Variants in MDN1 observed in about 807,000 individuals in gnomAD.
MDN1 encodes midasin AAA ATPase 1.
Under a neutral mutation model 669.2 loss-of-function variants are expected in MDN1, and 266 were observed. That is an observed-to-expected ratio of 0.40 (90% CI 0.36 to 0.44). The LOEUF (loss-of-function observed/expected upper bound fraction) is 0.44. Among genes scored for constraint, MDN1 ranks in the 20% least tolerant of loss-of-function variants. The pLI is 1.00. For synonymous variants in MDN1, 2,385 were observed against 2,457.1 expected, an observed-to-expected ratio of 0.97 and a Z score of 0.87; for missense variants, 5,940 against 6,754.0, an observed-to-expected ratio of 0.88 and a Z score of 4.22.
intron 32 of MDN1, 66 bp downstream of exon 32, chr6:89,740,168 T>C: frequency 1.3e-6 from 2 of 1,549,206 alleles, no homozygotes; most frequent in South Asian, 2.3e-5. Flanking sequence ...TTACATACTA[T>C]ATTTACGAGT....
rs765243302 is a variant in MDN1, at chr6:89,761,743, G to C, written c.2362C>G (p.Leu788Val). 1.0e-5 allele frequency: 16 copies of C among 1,599,982 alleles called. No homozygotes were observed. In the East Asian group the frequency reaches 3.4e-4, roughly 34 times the overall value. The change falls in exon 17 of 102, where the codon CTC becomes GTC. Residue 788 changes from leucine to valine, a missense_variant. Coordinates refer to ENST00000369393, the MANE Select transcript of MDN1 (RefSeq NM_014611.3). Reference sequence around the variant, plus strand: ...AATGCTTCCCATTTCTCTTTTATGAGTAACCCTAAAAAAGAAAGACAAGAA... The same window carrying C: ...AATGCTTCCCATTTCTCTTTTATGACTAACCCTAAAAAAGAAAGACAAGAA... ...KDGKDSETGL[L>V]IKEKWEAFGL...
intron 15 of MDN1, among the ~76,000 whole-genome samples, chr6:89,767,543 AG>A (rs756445480): frequency 3.5e-4 from 53 of 152,232 alleles, no homozygotes; most frequent in South Asian, 6.2e-4. Flanking sequence ...GGATCACCTG[AG>A]GTCAGGAGTT....
intron 13 of MDN1, among the ~76,000 whole-genome samples, chr6:89,773,495 G>A (rs189911624): frequency 7.3e-4 from 105 of 144,792 alleles, no homozygotes; most frequent in Middle Eastern, 3.7e-3. Flanking sequence ...AGCTGAGATC[G>A]CACCACTGCA....
chr6:89,790,310 G>C lies in MDN1; in HGVS notation c.947C>G (p.Ala316Gly), dbSNP rs1315389982. The change falls in exon 6 of 102, where the codon GCT becomes GGT. Residue 316 changes from alanine to glycine, a missense_variant. Ala to Gly is a moderately conservative substitution (Grantham distance 60). This residue lies in a region of MDN1 where 1,203 missense variants were observed against 1,268.9 expected (regional missense o/e 0.95). Coordinates refer to ENST00000369393, the MANE Select transcript of MDN1 (RefSeq NM_014611.3). ...ESVCKSLQTL[A>G]MAVASQNAVL... ...AGCATTCTGAGAAGCAACCGCCATA[G>C]CCAGGGTCTGAAGACTTTTGCAGAC... 1.9e-6 allele frequency: 3 copies of C among 1,614,122 alleles called. No homozygotes were observed. Among genetic ancestry groups the C allele is most frequent in the Non-Finnish European group, 2.5e-6 (3 of 1,180,024 alleles).
At chr6:89,790,024 A>G (rs1310146988) in intron 6 of MDN1, 113 bp from the exon 7 acceptor site, 6 of 1,573,192 alleles carry the variant, frequency 3.8e-6, no homozygotes, top group Non-Finnish European at 5.2e-6. Flanking sequence ...TAGGCACTTG[A>G]GGTTTACATA....
Position 89,656,704 on chromosome 6 carries a change from G to C in MDN1, c.15281C>G (p.Thr5094Arg). Residue 5094 changes from threonine to arginine, a missense_variant, in exon 91 of 102, where the codon ACA becomes AGA. Physicochemically the swap from Thr to Arg is moderately conservative, Grantham distance 71 (BLOSUM62 -1). Coordinates refer to ENST00000369393, the MANE Select transcript of MDN1 (RefSeq NM_014611.3). Reference sequence around the variant, plus strand: ...TAGCTGAGGAGTGATAGAAACCTGTGTGTTTTTCCTGGTGTGCTTCTGGGA... The same window carrying C: ...TAGCTGAGGAGTGATAGAAACCTGTCTGTTTTTCCTGGTGTGCTTCTGGGA... ...LASQKHTRKN[T>R]QSFKRKPGQA... The C allele has an allele frequency of 4.4e-6, 7 of 1,606,250 alleles. No homozygotes were observed. The highest frequency in any genetic ancestry group is 6.0e-6 in the Non-Finnish European group (7 of 1,175,912).
chr6:89,717,824 A>G (rs1814502837), intron 43 of MDN1, among the ~76,000 whole-genome samples: 1 of 152,210 alleles, frequency 6.6e-6, no homozygotes, highest in Non-Finnish European at 1.5e-5. Flanking sequence ...AGGCTTTGGA[A>G]ATAAAGAATG....
chr6:89,753,612 A>G lies in MDN1; in HGVS notation c.2975T>C (p.Leu992Ser). 1.2e-6 allele frequency: 2 copies of G among 1,612,072 alleles called. No homozygotes were observed. The highest frequency in any genetic ancestry group is 1.7e-6 in the Non-Finnish European group (2 of 1,178,104). The change falls in exon 22 of 102, where the codon TTG becomes TCG. Residue 992 changes from leucine to serine, a missense_variant. By Grantham distance (145) the Leu-to-Ser change is moderately radical. Transcript: ENST00000369393. ...IQRSLYEGFC[L>S]GFLTQLDRAS... is the part of the protein sequence containing the mutation. ...CCTGTCAAGCTGTGTTAAGAAACCCAAACAAAAACCCTAGAAAGAAAAGAC... is the reference window on the plus strand; with the variant it reads ...CCTGTCAAGCTGTGTTAAGAAACCCGAACAAAAACCCTAGAAAGAAAAGAC...
rs1818433298 is a variant in MDN1, at chr6:89,777,852, C to T, written c.1726-1157G>A. Among the ~76,000 whole-genome samples, 4 of 152,036 alleles carry T rather than the reference C, an allele frequency of 2.6e-5. 1 individual carries two copies. The highest frequency in any genetic ancestry group is 1.3e-4 in the Admixed American group (2 of 15,256). ...TCAGCAGGCACCCATTCCCTAGTAC[C>T]CTGCCCACCAAATTATCCATAAAAA... On this transcript the variant is annotated intron_variant, in intron 11 of 101. Coordinates refer to ENST00000369393, the MANE Select transcript of MDN1 (RefSeq NM_014611.3).
At chr6:89,802,995 G>A (rs1050712641) in intron 2 of MDN1, among the ~76,000 whole-genome samples, 4 of 152,106 alleles carry the variant, frequency 2.6e-5, no homozygotes, top group Admixed American at 1.3e-4. Flanking sequence ...CATTAGAGGT[G>A]GATGCTGTAA....
chr6:89,653,305 C>T (rs1380686825), intron 93 of MDN1, 150 bp from the exon 94 acceptor site: 3 of 758,130 alleles, frequency 4.0e-6, no homozygotes, highest in Non-Finnish European at 6.2e-6. Flanking sequence ...GAGGTTCTTT[C>T]TCTCTGAGAC....
chr6:89,757,711 C>A (rs1044995722), intron 19 of MDN1, among the ~76,000 whole-genome samples: 12 of 152,074 alleles, frequency 7.9e-5, no homozygotes, highest in Non-Finnish European at 1.6e-4. Context: ...AGTGAGAGAC[C>A]AGCCTAGGCA....
intron 82 of MDN1, 142 bp downstream of exon 82, chr6:89,672,058 A>G: frequency 1.3e-6 from 1 of 793,460 alleles, no homozygotes; most frequent in South Asian, 2.6e-5. Flanking sequence ...CTTTGCACGT[A>G]TAAATAAAGA....
chr6:89,782,585 A>T (rs1818733015), intron 9 of MDN1, among the ~76,000 whole-genome samples: 1 of 148,036 alleles, frequency 6.8e-6, no homozygotes, highest in Non-Finnish European at 1.5e-5. Flanking sequence ...TGGGTGACAG[A>T]GTAAGACCTT....
rs1814015690 is a variant in MDN1, at chr6:89,712,575, C to T, written c.7430G>A (p.Arg2477Lys). The part of the protein sequence containing the change: ...RMSMKTSSWT[R>K]SQPFTLQDLE... ...GACACAAGCTGAAGGCTCCACTGACCTTGTCCAGCTGCTGGTTTTCATGCT... is the reference window on the plus strand; with the variant it reads ...GACACAAGCTGAAGGCTCCACTGACTTTGTCCAGCTGCTGGTTTTCATGCT... The change falls in exon 48 of 102, where the codon AGG becomes AAG. Residue 2477 changes from arginine to lysine, a missense_variant and splice_region_variant. Physicochemically the swap from Arg to Lys is conservative, Grantham distance 26. Transcript: ENST00000369393. The T allele has an allele frequency of 4.3e-6, 7 of 1,613,514 alleles. No homozygotes were observed. Among genetic ancestry groups the T allele is most frequent in the Non-Finnish European group, 4.2e-6 (5 of 1,179,726 alleles).
At chr6:89,810,021 A>AAATAAAT (rs1554202356) in intron 1 of MDN1, among the ~76,000 whole-genome samples, 1 of 144,480 alleles carries the variant, frequency 6.9e-6, no homozygotes, top group Non-Finnish European at 1.5e-5. Context: ...AAAAAAAAAA[A>AAATAAAT]AAAAATTAAG....
intron 11 of MDN1, among the ~76,000 whole-genome samples, chr6:89,777,030 CAT>C (rs1818391423): frequency 6.6e-6 from 1 of 152,130 alleles, no homozygotes; most frequent in Admixed American, 6.5e-5. Flanking sequence ...AGAACTGACT[CAT>C]ATAGTGCTGA....
chr6:89,819,520 A>G lies in MDN1; in HGVS notation c.88T>C (p.Phe30Leu). 1 of 1,606,030 alleles carries G rather than the reference A, an allele frequency of 6.2e-7. No individual in the cohort carries two copies. Among genetic ancestry groups the G allele is most frequent in the Middle Eastern group, 1.6e-4 (1 of 6,062 alleles). ...NEKSRSELGR[F>L]LAKQVWTPQD... ...TCACGTCTTACCTGCTTGGCCAAGA[A>G]CCTGCCCAACTCACTGCGGCTCTTC... The change falls in exon 1 of 102, where the codon TTC becomes CTC. Residue 30 changes from phenylalanine (F) to leucine (L), a missense_variant. Phe to Leu is a conservative substitution (Grantham distance 22). Around this residue, in one of 5 missense-constraint regions of MDN1, gnomAD observed 1,203 missense variants for 1,268.9 expected, o/e 0.95. Transcript: ENST00000369393.
At chr6:89,685,313 A>C (rs1811934583) in intron 70 of MDN1, among the ~76,000 whole-genome samples, 1 of 152,188 alleles carries the variant, frequency 6.6e-6, no homozygotes, top group African/African-American at 2.4e-5. Flanking sequence ...AATCAGCAGA[A>C]ACTGAGCTTT....
Sources: gnomAD v4.1 joint callset for allele counts (sites outside exome capture counted in the v4.1 genomes callset) on GRCh38, gnomAD v4.1.1 for gene constraint, gnomAD v4.1.1 regional missense constraint, MANE v1.5 for transcripts, NCBI Gene and HGNC (gene_info 2026-07-23, HGNC 2026-07-21) for gene names.